JMY: variants seen among roughly 807,000 people sequenced by gnomAD.
JMY encodes the protein junction-mediating and -regulatory protein.
JMY carries 46 observed loss-of-function variants against 103.3 expected under a neutral mutation model. The ratio of observed to expected loss-of-function variants is 0.45; its 90% confidence interval spans 0.35 to 0.57. The LOEUF (loss-of-function observed/expected upper bound fraction) is 0.57. Ranked by LOEUF, JMY falls within the 20% of genes least tolerant of loss-of-function variation. The pLI is 0.00. For missense variants in JMY, 1,238 were observed against 1,255.2 expected, an observed-to-expected ratio of 0.99 and a Z score of 0.21; for synonymous variants, 526 against 489.3, an observed-to-expected ratio of 1.07 and a Z score of -0.99.
intron 2 of JMY, among the ~76,000 whole-genome samples, chr5:79,285,783 T>A (rs1474094361): frequency 6.6e-6 from 1 of 152,176 alleles, no homozygotes; most frequent in Non-Finnish European, 1.5e-5. Context: ...CTCATCTTCT[T>A]CATGATGGTA....
At position 79,278,007 on chromosome 5, in the gene JMY, C is replaced by T; in HGVS notation, c.1130C>T (p.Thr377Ile). The stretch of plus-strand genomic sequence containing the variant: ...TACAGCAGCCTTGCAGAAGCTACAA[C>T]CGAACTCTATCAGTATTTACTACAG... ...EAYSSLAEAT[T>I]ELYQYLLQPF... is the part of the protein sequence containing the mutation. The change falls in exon 2 of 11, where the codon ACC (threonine) becomes ATC (isoleucine). Residue 377 changes from threonine to isoleucine, a missense_variant. Coordinates refer to ENST00000396137, the MANE Select transcript of JMY (RefSeq NM_152405.5). 1 of 1,614,034 alleles carries T rather than the reference C, an allele frequency of 6.2e-7. No individual in the cohort carries two copies.
intron 1 of JMY, among the ~76,000 whole-genome samples, chr5:79,264,897 GTTATT>G (rs936714048): frequency 7.9e-5 from 12 of 152,108 alleles, no homozygotes; most frequent in East Asian, 1.9e-4. Context: ...AGTGGGAAAA[GTTATT>G]TTATTTTATT....
chr5:79,319,313 T>C (rs551485659), intron 10 of JMY, among the ~76,000 whole-genome samples: 10 of 152,296 alleles, frequency 6.6e-5, no homozygotes, highest in African/African-American at 2.4e-4. Context: ...GAATATGTGG[T>C]ACAATGTTGA....
Position 79,291,310 on chromosome 5 carries a change from T to C in JMY, c.1527+11T>C. The C allele has an allele frequency of 6.5e-7, 1 of 1,528,830 alleles. No individual in the cohort carries two copies. Among genetic ancestry groups the C allele is most frequent in the Non-Finnish European group, 8.8e-7 (1 of 1,138,666 alleles). 94.7% of individuals were successfully genotyped at this position (1,528,830 alleles called of 1,614,324 possible). On this transcript the variant is annotated intron_variant, in intron 4 of 10. Coordinates refer to ENST00000396137, the MANE Select transcript of JMY (RefSeq NM_152405.5). ...GCACTAAAGGAAGAGGTAACAAAAA[T>C]CATCAGAAATATAAAATCAGAAAAA...
rs2112035873 is a variant in JMY, at chr5:79,237,290, C to T, written c.640C>T (p.Pro214Ser). The change falls in exon 1 of 11, where the codon CCG becomes TCG. Residue 214 changes from proline (P) to serine (S), a missense_variant. Physicochemically the swap from Pro to Ser is moderately conservative, Grantham distance 74. Coordinates refer to ENST00000396137, the MANE Select transcript of JMY (RefSeq NM_152405.5). ...TCTGGCGCTCTCGGACGCGGAGCAGCCGCCGCCCGCCACCGAGCTGGAGTC... is the reference window on the plus strand; with the variant it reads ...TCTGGCGCTCTCGGACGCGGAGCAGTCGCCGCCCGCCACCGAGCTGGAGTC... ...APLALSDAEQ[P>S]PPATELESPA... 3 of 1,555,956 alleles carry T rather than the reference C, an allele frequency of 1.9e-6. No homozygotes were observed. The highest frequency in any genetic ancestry group is 1.4e-5 in the African/African-American group (1 of 73,354).
chr5:79,281,350 T>C (rs905725479), intron 2 of JMY, among the ~76,000 whole-genome samples: 9 of 111,538 alleles, frequency 8.1e-5, no homozygotes, highest in Non-Finnish European at 1.7e-4. Context: ...AGCCAAGAAA[T>C]TAATTTTTTT....
At chr5:79,273,035 A>C (rs550328845) in intron 1 of JMY, among the ~76,000 whole-genome samples, 5 of 152,246 alleles carry the variant, frequency 3.3e-5, no homozygotes, top group Non-Finnish European at 7.3e-5. Context: ...GATACATTAT[A>C]AACTTCAGTA....
chr5:79,289,969 A>G (rs1694333781), intron 2 of JMY, 152 bp from the exon 3 acceptor site: 1 of 562,664 alleles, frequency 1.8e-6, no homozygotes, highest in African/African-American at 1.9e-5. Context: ...TATCTTCAGT[A>G]TTATTGTTAA....
In JMY at chr5:79,255,128, C is replaced by CTTTTTTTTTTTTT. The variant is rs71615518; in HGVS notation, c.1032+17454_1032+17455insTTTTTTTTTTTTT. ...CTGAAAGGTCACATATCTCTCTCTC[C>CTTTTTTTTTTTTT]TTTTTTTTGAGACAGGGTCTTGTAG... On this transcript the variant is annotated intron_variant, in intron 1 of 10. Transcript: ENST00000396137. 5.4e-3 allele frequency among the ~76,000 whole-genome samples: 749 copies of CTTTTTTTTTTTTT among 139,728 alleles called. 19 individuals are homozygous for CTTTTTTTTTTTTT. Among genetic ancestry groups the CTTTTTTTTTTTTT allele is most frequent in the African/African-American group, 0.017 (610 of 35,718 alleles). 91.7% of individuals were successfully genotyped at this position (139,728 alleles called of 152,430 possible).
At chr5:79,264,576 A>T (rs1580339905) in intron 1 of JMY, among the ~76,000 whole-genome samples, 1 of 152,224 alleles carries the variant, frequency 6.6e-6, no homozygotes, top group East Asian at 1.9e-4. Context: ...ATAATATTTC[A>T]TCAGAATGAA....
At chr5:79,316,898 TAAAAAAAAAAA>T (rs34558016) in intron 10 of JMY, among the ~76,000 whole-genome samples, 2 of 83,620 alleles carry the variant, frequency 2.4e-5, no homozygotes, top group Non-Finnish European at 4.5e-5. Context: ...GACTCAGTCT[TAAAAAAAAAAA>T]AAAAAAAAAA....
rs770501253 is a variant in JMY at position 79,323,204 on chromosome 5, G to A, written c.*1602G>A. 6.6e-6 allele frequency: 1 copy of A among 152,146 alleles called. No individual in the cohort carries two copies. The highest frequency in any genetic ancestry group is 1.5e-5 in the Non-Finnish European group (1 of 68,038). The allele number at this position is 152,146 out of a possible 1,614,324, so 9.4% of individuals were successfully genotyped here. A position where few individuals can be genotyped will look rare whatever the true frequency, so the allele number is the denominator to read the frequency against. The stretch of plus-strand genomic sequence containing the variant: ...TGGACTCAAGCAATCTGCCAGCCTC[G>A]GCCTGCTAAAGTGCTAGGATTATAG... On this transcript the variant is annotated 3_prime_UTR_variant, in exon 11 of 11. Coordinates refer to ENST00000396137, the MANE Select transcript of JMY (RefSeq NM_152405.5).
chr5:79,312,141 T>C (rs1247877848), intron 7 of JMY, among the ~76,000 whole-genome samples: 4 of 152,180 alleles, frequency 2.6e-5, no homozygotes, highest in African/African-American at 9.7e-5. Context: ...TTTTTTAAAG[T>C]CATCTACATT....
At chr5:79,246,048 A>C (rs1224720598) in intron 1 of JMY, among the ~76,000 whole-genome samples, 1 of 152,210 alleles carries the variant, frequency 6.6e-6, no homozygotes, top group African/African-American at 2.4e-5. Context: ...GGGCATTTGA[A>C]TATGGCAGTA....
At chr5:79,310,149 A>G (rs1455119506) in intron 7 of JMY, among the ~76,000 whole-genome samples, 1 of 129,192 alleles carries the variant, frequency 7.7e-6, no homozygotes, top group Non-Finnish European at 1.5e-5. Context: ...TGCAACCTCT[A>G]CCTCCTGGCT....
At chr5:79,238,693 G>A (rs1213905608) in intron 1 of JMY, among the ~76,000 whole-genome samples, 1 of 136,568 alleles carries the variant, frequency 7.3e-6, no homozygotes, top group Non-Finnish European at 1.5e-5. Context: ...CGTCTCCCAG[G>A]CTGGAGTACA....
At chr5:79,284,429 C>T (rs750274335) in intron 2 of JMY, 56 of 1,504,316 alleles carry the variant, frequency 3.7e-5, no homozygotes, top group Middle Eastern at 3.4e-4. Context: ...CATCTTCTTC[C>T]GGATTTGGCG....
At chr5:79,320,199 T>C (rs1747405835) in intron 10 of JMY, among the ~76,000 whole-genome samples, 1 of 152,124 alleles carries the variant, frequency 6.6e-6, no homozygotes, top group African/African-American at 2.4e-5. Flanking sequence ...CTGGGCAACA[T>C]GACGAAACAC....
At chr5:79,319,421 G>C (rs1174870266) in intron 10 of JMY, among the ~76,000 whole-genome samples, 3 of 152,174 alleles carry the variant, frequency 2.0e-5, no homozygotes, top group African/African-American at 7.2e-5. Context: ...CCATAGACTA[G>C]TATGGACTGA....
Sources: allele counts gnomAD v4.1 joint callset (sites outside exome capture counted in the v4.1 genomes callset), GRCh38; gene constraint gnomAD v4.1.1; transcripts MANE v1.5; gene names NCBI Gene and HGNC (gene_info 2026-07-23, HGNC 2026-07-21).